Variants in GRAMD1B observed in about 807,000 individuals in gnomAD.
The protein encoded by GRAMD1B is protein Aster-B.
A neutral mutation model predicts 99.7 loss-of-function variants in GRAMD1B; 37 were observed. The observed-to-expected ratio is 0.37, with a 90% confidence interval of 0.29 to 0.49. The LOEUF is 0.49. Among genes scored for constraint, GRAMD1B ranks in the 20% least tolerant of loss-of-function variants. The pLI is 0.98. For synonymous variants in GRAMD1B, 427 were observed against 387.6 expected, an observed-to-expected ratio of 1.10 and a Z score of -1.19; for missense variants, 888 against 1,009.2, an observed-to-expected ratio of 0.88 and a Z score of 1.63.
At chr11:123,565,835 G>A (rs918459734) in intron 2 of GRAMD1B, among the ~76,000 whole-genome samples, 7 of 152,324 alleles carry the variant, frequency 4.6e-5, no homozygotes, top group Middle Eastern at 3.4e-3. Flanking sequence ...CTAAATGTTA[G>A]GCGTTTGTTC....
chr11:123,406,785 C>T (rs1416985916), intron 1 of GRAMD1B, among the ~76,000 whole-genome samples: 1 of 152,160 alleles, frequency 6.6e-6, no homozygotes, highest in Non-Finnish European at 1.5e-5. Flanking sequence ...GAGGAGATGA[C>T]ATTTTCTCCA....
At chr11:123,538,309 T>C (rs1944165454) in intron 2 of GRAMD1B, among the ~76,000 whole-genome samples, 2 of 152,198 alleles carry the variant, frequency 1.3e-5, no homozygotes, top group African/African-American at 4.8e-5. Flanking sequence ...CTTAGACTCT[T>C]GCCACCTTCC....
intron 2 of GRAMD1B, among the ~76,000 whole-genome samples, chr11:123,535,581 C>T (rs1763302415): frequency 6.6e-6 from 1 of 152,094 alleles, no homozygotes. Context: ...AAGATAGTTT[C>T]CCCAGTCTAC....
At chr11:123,364,960 T>TA (rs969485775) in intron 1 of GRAMD1B, among the ~76,000 whole-genome samples, 2 of 152,064 alleles carry the variant, frequency 1.3e-5, no homozygotes, top group African/African-American at 4.8e-5. Context: ...GAATGGCCGA[T>TA]AAAAAAAATC....
intron 2 of GRAMD1B, among the ~76,000 whole-genome samples, chr11:123,502,927 G>A (rs1940025621): frequency 6.6e-6 from 1 of 152,198 alleles, no homozygotes; most frequent in South Asian, 2.1e-4. Context: ...CAGTACAGTT[G>A]ACTGTAGAGT....
At chr11:123,562,202 T>A (rs1946848393) in intron 2 of GRAMD1B, among the ~76,000 whole-genome samples, 2 of 152,158 alleles carry the variant, frequency 1.3e-5, no homozygotes, top group Non-Finnish European at 1.5e-5. Context: ...ATAATTTTTT[T>A]AAAAGCCTAA....
chr11:123,370,358 T>G (rs546115276), intron 1 of GRAMD1B, among the ~76,000 whole-genome samples: 3 of 136,540 alleles, frequency 2.2e-5, no homozygotes, highest in Admixed American at 7.1e-5. Context: ...TTTTTTTTTT[T>G]GAGACAGATT....
chr11:123,501,396 C>A (rs1327777867), intron 2 of GRAMD1B, among the ~76,000 whole-genome samples: 1 of 152,090 alleles, frequency 6.6e-6, no homozygotes, highest in African/African-American at 2.4e-5. Flanking sequence ...GTCTTGAATT[C>A]CTGGCCTCAA....
At position 123,619,244 on chromosome 11, in the gene GRAMD1B, C is replaced by G; in HGVS notation, c.2544+20C>G. The G allele has an allele frequency of 6.4e-7, 1 of 1,551,328 alleles. No individual in the cohort carries two copies. Among genetic ancestry groups the G allele is most frequent in the Non-Finnish European group, 8.7e-7 (1 of 1,147,438 alleles). On this transcript the variant is annotated intron_variant, in intron 19 of 19. Transcript: ENST00000635736. ...GACCAGGTGAGATGCCCCACCTTCT[C>G]TGCTTGCCCTGGTCTTTGGGAGCGG...
intron 2 of GRAMD1B, among the ~76,000 whole-genome samples, chr11:123,521,537 G>A (rs1372260211): frequency 6.6e-6 from 1 of 152,070 alleles, no homozygotes; most frequent in Non-Finnish European, 1.5e-5. Context: ...ACTTTACTGT[G>A]GCTGAGTCTA....
At chr11:123,604,130 T>G (rs1369515883) in intron 9 of GRAMD1B, among the ~76,000 whole-genome samples, 1 of 152,140 alleles carries the variant, frequency 6.6e-6, no homozygotes, top group Non-Finnish European at 1.5e-5. Flanking sequence ...AAGTTGAAAT[T>G]GAGATGCCTG....
chr11:123,532,766 T>C (rs1277644534), intron 2 of GRAMD1B, among the ~76,000 whole-genome samples: 2 of 152,244 alleles, frequency 1.3e-5, no homozygotes, highest in Non-Finnish European at 2.9e-5. Context: ...AAAAATTATA[T>C]GAAATTCCAT....
At position 123,559,244 on chromosome 11, in the gene GRAMD1B, C is replaced by T. The variant is rs1363269799; in HGVS notation, c.453-18123C>T. Among the ~76,000 whole-genome samples the T allele has an allele frequency of 2.9e-4, 44 of 152,192 alleles. 1 individual carries two copies. The highest frequency in any genetic ancestry group is 2.9e-3 in the Admixed American group (44 of 15,272). ...TAAAGTTTCCCAGGCATTGAGCTAACCATCATCATTGTTAGTGTTGTCGGT... is the reference window on the plus strand; with the variant it reads ...TAAAGTTTCCCAGGCATTGAGCTAATCATCATCATTGTTAGTGTTGTCGGT... On this transcript the variant is annotated intron_variant, in intron 2 of 19. Coordinates refer to ENST00000635736, the MANE Select transcript of GRAMD1B (RefSeq NM_001387025.1).
At chr11:123,377,103 A>C (rs1227692809) in intron 1 of GRAMD1B, among the ~76,000 whole-genome samples, 1 of 152,182 alleles carries the variant, frequency 6.6e-6, no homozygotes, top group Non-Finnish European at 1.5e-5. Flanking sequence ...GACAAATTAC[A>C]CCTCCCTTTA....
At chr11:123,361,209 G>A (rs1042779938) in intron 1 of GRAMD1B, among the ~76,000 whole-genome samples, 3 of 152,174 alleles carry the variant, frequency 2.0e-5, no homozygotes, top group Non-Finnish European at 4.4e-5. Context: ...TGTCCTTGCA[G>A]ATTAGCTCAC....
In GRAMD1B at chr11:123,437,554, A is replaced by G. The variant is rs180764945; in HGVS notation, c.374+6388A>G. On this transcript the variant is annotated intron_variant, in intron 1 of 19. Transcript: ENST00000635736. ...TTGTACCATCTTTCACCTGGCTGTTATGTCCCTTCTTCTACATAACACACC... is the reference window on the plus strand; with the variant it reads ...TTGTACCATCTTTCACCTGGCTGTTGTGTCCCTTCTTCTACATAACACACC... 1.1e-4 allele frequency among the ~76,000 whole-genome samples: 17 copies of G among 152,156 alleles called. No homozygotes were observed. In the East Asian group the frequency reaches 1.6e-3, roughly 14 times the overall value.
intron 3 of GRAMD1B, among the ~76,000 whole-genome samples, chr11:123,583,862 G>A (rs112195218): frequency 1.2e-4 from 19 of 152,254 alleles, no homozygotes; most frequent in African/African-American, 4.6e-4. Context: ...GGGAGTTTTA[G>A]GTAGTCCCCT....
chr11:123,503,075 C>T (rs1205454970), intron 2 of GRAMD1B, among the ~76,000 whole-genome samples: 1 of 152,086 alleles, frequency 6.6e-6, no homozygotes, highest in African/African-American at 2.4e-5. Flanking sequence ...AAGGATGGCC[C>T]ATCAGAAGTC....
chr11:123,608,426 G>A, intron 11 of GRAMD1B: 1 of 1,301,100 alleles, frequency 7.7e-7, no homozygotes, highest in East Asian at 2.5e-5. Context: ...TTGTAAAGAA[G>A]GAATGGGTAG....
Sources: allele counts gnomAD v4.1 joint callset (sites outside exome capture counted in the v4.1 genomes callset), GRCh38; gene constraint gnomAD v4.1.1; transcripts MANE v1.5; gene names NCBI Gene and HGNC (gene_info 2026-07-23, HGNC 2026-07-21).